The following RAB3GAP2 variants were observed in gnomAD, a reference collection of about 807,000 sequenced individuals.
RAB3GAP2 encodes the protein rab3 GTPase-activating protein non-catalytic subunit.
A neutral mutation model predicts 185.3 loss-of-function variants in RAB3GAP2; 87 were observed. The observed-to-expected ratio is 0.47, with a 90% CI of 0.39 to 0.56. RAB3GAP2 has a LOEUF of 0.56. Ranked by LOEUF, RAB3GAP2 falls within the 20% of genes least tolerant of loss-of-function variation. The pLI is 0.00. For synonymous variants in RAB3GAP2, 554 were observed against 576.1 expected (o/e 0.96, Z 0.55); for missense variants, 1,492 against 1,638.2 (o/e 0.91, Z 1.54).
chr1:220,151,832 G>A (rs1202760427), intron 33 of RAB3GAP2, 68 bp from the exon 34 acceptor site: 1 of 1,483,530 alleles, frequency 6.7e-7, no homozygotes, highest in African/African-American at 1.4e-5. Context: ...ATAGGAAAGG[G>A]GTTGCCAGTG....
At chr1:220,165,144 A>G (rs1658040960) in intron 26 of RAB3GAP2, among the ~76,000 whole-genome samples, 1 of 149,984 alleles carries the variant, frequency 6.7e-6, no homozygotes, top group African/African-American at 2.5e-5. Flanking sequence ...GATACTATTC[A>G]TTCATTCATC....
chr1:220,241,406 C>T (rs1659694545), intron 1 of RAB3GAP2, among the ~76,000 whole-genome samples: 1 of 151,920 alleles, frequency 6.6e-6, no homozygotes, highest in Non-Finnish European at 1.5e-5. Flanking sequence ...AATAAAAGAT[C>T]TTAGTACAGA....
At chr1:220,234,375 A>G (rs920141375) in intron 1 of RAB3GAP2, among the ~76,000 whole-genome samples, 14 of 152,244 alleles carry the variant, frequency 9.2e-5, no homozygotes, top group African/African-American at 2.9e-4. Context: ...GCTGAAATCA[A>G]TTACATACAG....
rs140752719 is a variant in RAB3GAP2 at position 220,257,067 on chromosome 1, A to G, written c.115+15156T>C. The stretch of plus-strand genomic sequence containing the variant: ...TCTCAGACCACAGAACAATCGAATT[A>G]GAATTCAAGATTAAGAAATTCACTC... On this transcript the variant is annotated intron_variant, in intron 1 of 34. Transcript: ENST00000358951. Among the ~76,000 whole-genome samples, 39 of 152,368 alleles carry G rather than the reference A, an allele frequency of 2.6e-4. No homozygotes were observed. In the East Asian group the frequency reaches 5.4e-3, roughly 21 times the overall value.
intron 21 of RAB3GAP2, among the ~76,000 whole-genome samples, chr1:220,181,165 A>G (rs539503148): frequency 3.8e-4 from 58 of 152,280 alleles, no homozygotes; most frequent in African/African-American, 1.3e-3. Flanking sequence ...GTCTCACTCT[A>G]TCACCTAGGC....
chr1:220,253,504 G>A (rs1659976218), intron 1 of RAB3GAP2: 3 of 1,537,696 alleles, frequency 2.0e-6, no homozygotes, highest in Admixed American at 4.0e-5. Flanking sequence ...GAGTTGGGTG[G>A]GGTAGAGAGT....
chr1:220,164,548 C>T (rs540232577), intron 27 of RAB3GAP2, among the ~76,000 whole-genome samples, 185 bp downstream of exon 27: 49 of 143,792 alleles, frequency 3.4e-4, no homozygotes, highest in African/African-American at 1.3e-3. Flanking sequence ...GATCATAGCT[C>T]ACTGCAGCCT....
intron 2 of RAB3GAP2, among the ~76,000 whole-genome samples, chr1:220,215,509 A>G (rs1477875192): frequency 6.6e-6 from 1 of 152,116 alleles, no homozygotes; most frequent in Non-Finnish European, 1.5e-5. Flanking sequence ...TTTTTATATA[A>G]AGGAAAGGAA....
chr1:220,210,355 C>A (rs755080066), intron 7 of RAB3GAP2, 33 bp downstream of exon 7: 28 of 1,488,490 alleles, frequency 1.9e-5, no homozygotes, highest in Non-Finnish European at 2.6e-5. Flanking sequence ...AATAATGCCA[C>A]TGTTACTGTT....
intron 24 of RAB3GAP2, among the ~76,000 whole-genome samples, chr1:220,169,515 G>C (rs947176869): frequency 6.6e-6 from 1 of 152,180 alleles, no homozygotes; most frequent in African/African-American, 2.4e-5. Flanking sequence ...GTAAGATTTC[G>C]ATATCCATGA....
At chr1:220,227,941 C>T (rs1019580580) in intron 2 of RAB3GAP2, among the ~76,000 whole-genome samples, 7 of 152,162 alleles carry the variant, frequency 4.6e-5, no homozygotes, top group African/African-American at 1.7e-4. Flanking sequence ...TAGTTAGAGA[C>T]AGGGTTTTGC....
chr1:220,170,947 C>A lies in RAB3GAP2; in HGVS notation c.2751G>T (p.Leu917=), dbSNP rs201248617. ...AAAGCCTTGGAAGTGGCTCAGCCTGCAGTGATGACACTTTGGAGGTCTGAG... is the reference window on the plus strand; with the variant it reads ...AAAGCCTTGGAAGTGGCTCAGCCTGAAGTGATGACACTTTGGAGGTCTGAG... ...GNTQTSKVSS[L]QAEPLPRLSV... Residue 917 remains leucine (L), a synonymous_variant, in exon 24 of 35, where the codon CTG becomes CTT. Coordinates refer to ENST00000358951, the MANE Select transcript of RAB3GAP2 (RefSeq NM_012414.4). 4.3e-6 allele frequency: 7 copies of A among 1,614,046 alleles called. No individual in the cohort carries two copies. The highest frequency in any genetic ancestry group is 1.7e-5 in the Admixed American group (1 of 60,004).
Position 220,150,920 on chromosome 1 carries a change from A to C in RAB3GAP2, c.*331T>G, listed in dbSNP as rs1461470321. On this transcript the variant is annotated 3_prime_UTR_variant, in exon 35 of 35. Transcript: ENST00000358951. ...TTTTAGATAGGAAATATAGAATCTT[A>C]TAAGAACATAATCTAAATTATAACC... The C allele has an allele frequency of 3.4e-6, 1 of 291,728 alleles. No individual in the cohort carries two copies. Among genetic ancestry groups the C allele is most frequent in the African/African-American group, 2.2e-5 (1 of 44,494 alleles). The allele number at this position is 291,728 out of a possible 1,614,324, so 18.1% of individuals were successfully genotyped here. A position where few individuals can be genotyped will look rare whatever the true frequency, so the allele number is the denominator to read the frequency against.
At chr1:220,172,438 T>C (rs1443950252) in intron 22 of RAB3GAP2, among the ~76,000 whole-genome samples, 199 bp downstream of exon 22, 2 of 152,210 alleles carry the variant, frequency 1.3e-5, no homozygotes, top group Admixed American at 6.5e-5. Flanking sequence ...TTTATGATGA[T>C]ACAAAATATA....
At chr1:220,248,162 T>C (rs1193771507) in intron 1 of RAB3GAP2, among the ~76,000 whole-genome samples, 1 of 152,122 alleles carries the variant, frequency 6.6e-6, no homozygotes, top group African/African-American at 2.4e-5. Flanking sequence ...AGATAAATAC[T>C]GTATGATCTC....
chr1:220,233,904 T>C (rs1364625556), intron 1 of RAB3GAP2, among the ~76,000 whole-genome samples: 26 of 152,150 alleles, frequency 1.7e-4, no homozygotes, highest in Non-Finnish European at 3.8e-4. Flanking sequence ...TTTCACCATA[T>C]TGGCCAGGCT....
At chr1:220,248,373 A>C (rs569834051) in intron 1 of RAB3GAP2, among the ~76,000 whole-genome samples, 18 of 152,266 alleles carry the variant, frequency 1.2e-4, no homozygotes, top group Admixed American at 5.9e-4. Flanking sequence ...CCCAACCAAA[A>C]GAAAAAAAAA....
intron 26 of RAB3GAP2, among the ~76,000 whole-genome samples, chr1:220,165,800 G>A (rs1439049374): frequency 6.6e-6 from 1 of 152,094 alleles, no homozygotes; most frequent in Non-Finnish European, 1.5e-5. Context: ...CTCATTTTAG[G>A]AGAACATTGA....
intron 17 of RAB3GAP2, among the ~76,000 whole-genome samples, chr1:220,188,060 G>A (rs1485812403): frequency 1.3e-5 from 2 of 151,472 alleles, no homozygotes; most frequent in Non-Finnish European, 2.9e-5. Flanking sequence ...ATAACCAGCT[G>A]GTGTTAGCTG....
Sources: gnomAD v4.1 joint callset for allele counts (sites outside exome capture counted in the v4.1 genomes callset) on GRCh38, gnomAD v4.1.1 for gene constraint, MANE v1.5 for transcripts, NCBI Gene and HGNC (gene_info 2026-07-23, HGNC 2026-07-21) for gene names.